Variants in IGF2R observed in about 807,000 individuals in gnomAD.
IGF2R encodes the protein cation-independent mannose-6-phosphate receptor.
A neutral mutation model predicts 270.6 loss-of-function variants in IGF2R; 91 were observed. The observed-to-expected ratio is 0.34, with a 90% confidence interval of 0.28 to 0.40. The LOEUF (loss-of-function observed/expected upper bound fraction) is 0.40, where lower values mean the gene tolerates loss of function less well. Among genes scored for constraint, IGF2R ranks in the 10% least tolerant of loss-of-function variants. The pLI is 1.00. For synonymous variants in IGF2R, 1,316 were observed against 1,258.9 expected, an observed-to-expected ratio of 1.05 and a Z score of -0.96; for missense variants, 2,805 against 3,188.3, an observed-to-expected ratio of 0.88 and a Z score of 2.90.
chr6:160,019,849 A>T (rs935737415), intron 4 of IGF2R, among the ~76,000 whole-genome samples: 3 of 152,248 alleles, frequency 2.0e-5, no homozygotes, highest in African/African-American at 7.2e-5. Flanking sequence ...CACAGCCAGC[A>T]TCGTACTGAA....
chr6:160,008,734 G>A (rs896853319), intron 2 of IGF2R, among the ~76,000 whole-genome samples: 13 of 152,138 alleles, frequency 8.5e-5, no homozygotes, highest in African/African-American at 2.9e-4. Flanking sequence ...TGGTTTTAGC[G>A]GGAGTAGAGG....
Position 160,078,371 on chromosome 6 carries a change from T to C in IGF2R, c.5478+9T>C, listed in dbSNP as rs1778900541. Reference sequence around the variant, plus strand: ...CCACGAGCACCTTTAAGGTAATGCGTTCACCCTGGGCGTTGCTGGTGCAGG... The same window carrying C: ...CCACGAGCACCTTTAAGGTAATGCGCTCACCCTGGGCGTTGCTGGTGCAGG... On this transcript the variant is annotated intron_variant, in intron 37 of 47. Coordinates refer to ENST00000356956, the MANE Select transcript of IGF2R (RefSeq NM_000876.4). The C allele has an allele frequency of 2.5e-6, 4 of 1,612,952 alleles. No homozygotes were observed. Among genetic ancestry groups the C allele is most frequent in the African/African-American group, 1.3e-5 (1 of 75,046 alleles).
At chr6:160,075,645 C>T (rs1021057223) in intron 35 of IGF2R, among the ~76,000 whole-genome samples, 9 of 152,186 alleles carry the variant, frequency 5.9e-5, no homozygotes, top group Non-Finnish European at 2.9e-5. Flanking sequence ...AGGATCAAAA[C>T]GATAACCACT....
At position 160,107,561 on chromosome 6, in the gene IGF2R, T is replaced by C. The variant is rs1469893830; in HGVS notation, c.*2477T>C. 5.3e-5 allele frequency: 8 copies of C among 152,124 alleles called. No homozygotes were observed. Among genetic ancestry groups the C allele is most frequent in the Non-Finnish European group, 8.8e-5 (6 of 68,020 alleles). 9.4% of individuals were successfully genotyped at this position (152,124 alleles called of 1,614,324 possible). The stretch of plus-strand genomic sequence containing the variant: ...CAGAGAAATGATTTTATTGATGGAG[T>C]ACAACCTGGGTATTTAGCTTCCTTT... On this transcript the variant is annotated 3_prime_UTR_variant, in exon 48 of 48. Coordinates refer to ENST00000356956, the MANE Select transcript of IGF2R (RefSeq NM_000876.4).
chr6:160,043,173 G>A lies in IGF2R; in HGVS notation c.1506G>A (p.Val502=). 6.2e-7 allele frequency: 1 copy of A among 1,614,176 alleles called. No homozygotes were observed. The highest frequency in any genetic ancestry group is 8.5e-7 in the Non-Finnish European group (1 of 1,180,028). The change falls in exon 12 of 48, where the codon GTG becomes GTA. Residue 502 remains valine, a synonymous_variant. Transcript: ENST00000356956. ...HAEPEQNWEA[V]DGSQTETEKK... ...AACCAGAGCAGAATTGGGAAGCTGT[G>A]GATGGCAGTCAGACGGAAACAGAGA...
At chr6:160,044,424 CTT>C in intron 12 of IGF2R, 88 bp from the exon 13 acceptor site, 2 of 1,147,280 alleles carry the variant, frequency 1.7e-6, no homozygotes, top group South Asian at 1.4e-5. Context: ...CTTTCTTTCT[CTT>C]TCTTTCTTTT....
In IGF2R at chr6:159,986,857, G is replaced by A. The variant is rs148779776; in HGVS notation, c.150-4327G>A. ...TCAGCTGAATGGTTTCATTTGCTTG[G>A]CTGTTAAATGAACCATACTGTTTGG... On this transcript the variant is annotated intron_variant, in intron 1 of 47. Coordinates refer to ENST00000356956, the MANE Select transcript of IGF2R (RefSeq NM_000876.4). 1.1e-3 allele frequency among the ~76,000 whole-genome samples: 171 copies of A among 151,598 alleles called. 1 individual carries two copies. The highest frequency in any genetic ancestry group is 3.4e-3 in the Middle Eastern group (1 of 294).
chr6:160,035,243 G>C (rs956109521), intron 10 of IGF2R, among the ~76,000 whole-genome samples: 1 of 152,164 alleles, frequency 6.6e-6, no homozygotes, highest in African/African-American at 2.4e-5. Flanking sequence ...CTGGTTTCCA[G>C]CCTAAGTGCT....
chr6:159,991,384 G>T, intron 2 of IGF2R, 61 bp downstream of exon 2: 1 of 1,500,674 alleles, frequency 6.7e-7, no homozygotes, highest in Admixed American at 1.8e-5. Flanking sequence ...TTGCAAAAAT[G>T]ACTGTGTATA....
At chr6:160,095,853 G>A (rs570125705) in intron 44 of IGF2R, 1 of 152,446 alleles carries the variant, frequency 6.6e-6, no homozygotes, top group Non-Finnish European at 1.5e-5. Context: ...TTGAAGATGT[G>A]TACATAATTC....
rs529310807 is a variant in IGF2R, at chr6:160,085,584, G to A, written c.6205+453G>A. On this transcript the variant is annotated intron_variant, in intron 41 of 47. Coordinates refer to ENST00000356956, the MANE Select transcript of IGF2R (RefSeq NM_000876.4). Reference sequence around the variant, plus strand: ...TTCACGGGAAATTGATCTTGTACTTGGTTGCTGAGTGAAAGTTGTTTTCTT... The same window carrying A: ...TTCACGGGAAATTGATCTTGTACTTAGTTGCTGAGTGAAAGTTGTTTTCTT... Among the ~76,000 whole-genome samples, 5 of 152,296 alleles carry A rather than the reference G, an allele frequency of 3.3e-5. No homozygotes were observed. In the South Asian group the frequency reaches 1.0e-3, roughly 32 times the overall value.
chr6:159,979,703 C>G (rs147858094), intron 1 of IGF2R, among the ~76,000 whole-genome samples: 1 of 152,078 alleles, frequency 6.6e-6, no homozygotes, highest in African/African-American at 2.4e-5. Flanking sequence ...TCAGACCCAG[C>G]GGGAAGCATG....
chr6:160,075,201 A>C (rs1329415466), intron 35 of IGF2R, among the ~76,000 whole-genome samples: 1 of 152,232 alleles, frequency 6.6e-6, no homozygotes, highest in Admixed American at 6.5e-5. Context: ...AAAAATAAAA[A>C]AAGAGTTTTT....
intron 2 of IGF2R, chr6:160,003,479 G>T (rs944110658): frequency 6.6e-6 from 1 of 152,148 alleles, no homozygotes; most frequent in African/African-American, 2.4e-5. Flanking sequence ...TGTACAAAAG[G>T]TTTTTGGTAG....
At chr6:160,012,775 T>G (rs111846146) in intron 4 of IGF2R, among the ~76,000 whole-genome samples, 50,124 of 127,758 alleles carry the variant, frequency 0.39, 11,489 homozygotes, top group South Asian at 0.57. Context: ...TTTTTTTTTT[T>G]TTTGTTTGTT....
In IGF2R at chr6:160,079,589, G is replaced by A. The variant is rs758315605; in HGVS notation, c.5488G>A (p.Asp1830Asn). ...CATGGTTTTTGTCCAGGTGACTCGC[G>A]ACTCGCGCACCTACAGCGTTGGGGT... ...LSTSTFKVTRDSRTYSVGVCT... is the reference protein window; with the variant it reads ...LSTSTFKVTRNSRTYSVGVCT... The change falls in exon 38 of 48, where the codon GAC becomes AAC. Residue 1830 changes from aspartate (D) to asparagine (N), a missense_variant. Physicochemically the swap from Asp to Asn is conservative, Grantham distance 23. Around this residue, in one of 2 missense-constraint regions of IGF2R, gnomAD observed 1,851 missense variants for 2,207.2 expected, o/e 0.84. Coordinates refer to ENST00000356956, the MANE Select transcript of IGF2R (RefSeq NM_000876.4). 1.3e-5 allele frequency: 19 copies of A among 1,435,818 alleles called. No homozygotes were observed. The highest frequency in any genetic ancestry group is 1.2e-4 in the African/African-American group (8 of 68,516). 88.9% of individuals were successfully genotyped at this position (1,435,818 alleles called of 1,614,324 possible).
chr6:159,974,671 C>G (rs1783662076), intron 1 of IGF2R, among the ~76,000 whole-genome samples: 1 of 152,098 alleles, frequency 6.6e-6, no homozygotes, highest in Non-Finnish European at 1.5e-5. Flanking sequence ...AGCCAGCATT[C>G]CTGGCCTCTA....
intron 41 of IGF2R, among the ~76,000 whole-genome samples, chr6:160,085,909 C>A (rs1331427104): frequency 1.3e-5 from 2 of 152,216 alleles, no homozygotes; most frequent in Non-Finnish European, 2.9e-5. Flanking sequence ...TGAGACCCGC[C>A]CTCCCTGGGA....
At chr6:159,986,402 T>TTGTGTGTG (rs56105769) in intron 1 of IGF2R, among the ~76,000 whole-genome samples, 24 of 131,960 alleles carry the variant, frequency 1.8e-4, no homozygotes, top group East Asian at 4.3e-4. Flanking sequence ...TGGCTAATTT[T>TTGTGTGTG]TGTGTGTGTG....
Sources: gnomAD v4.1 joint callset for allele counts (sites outside exome capture counted in the v4.1 genomes callset) on GRCh38, gnomAD v4.1.1 for gene constraint, gnomAD v4.1.1 regional missense constraint, MANE v1.5 for transcripts, NCBI Gene and HGNC (gene_info 2026-07-23, HGNC 2026-07-21) for gene names.